Variants in APC observed in about 807,000 individuals in gnomAD.
The protein encoded by APC is APC regulator of Wnt signaling pathway, also known as adenomatous polyposis coli protein.
A neutral mutation model predicts 247.0 loss-of-function variants in APC; 72 were observed. That is an observed-to-expected ratio of 0.29 (90% CI 0.24 to 0.35). The LOEUF (loss-of-function observed/expected upper bound fraction) is 0.35, where lower values mean the gene tolerates loss of function less well. APC is among the 10% of genes least tolerant of loss of function. The pLI, the probability that APC is intolerant of heterozygous loss-of-function variation, is 1.00. For missense variants in APC, 3,400 were observed against 3,360.7 expected (o/e 1.01, Z -0.29); for synonymous variants, 1,254 against 1,162.5 (o/e 1.08, Z -1.60).
chr5:112,770,753 C>T (rs1014470381), intron 4 of APC, among the ~76,000 whole-genome samples: 2 of 152,092 alleles, frequency 1.3e-5, no homozygotes, highest in Non-Finnish European at 2.9e-5. Context: ...GACTTACTGA[C>T]TCACCACTCT....
chr5:112,815,426 C>A, intron 8 of APC, 69 bp from the exon 9 acceptor site: 2 of 1,130,512 alleles, frequency 1.8e-6, no homozygotes, highest in Non-Finnish European at 2.7e-6. Flanking sequence ...TTTGGAGTAC[C>A]TTAACATGAT....
chr5:112,764,863 G>A (rs1387760567), intron 2 of APC, among the ~76,000 whole-genome samples: 1 of 152,206 alleles, frequency 6.6e-6, no homozygotes, highest in East Asian at 1.9e-4. Flanking sequence ...ATGGTGCCCT[G>A]AAGTTTATAG....
intron 4 of APC, 65 bp from the exon 5 acceptor site, chr5:112,775,564 A>G: frequency 3.2e-6 from 3 of 946,244 alleles, no homozygotes; most frequent in South Asian, 1.4e-5. Context: ...TGATGTAAGT[A>G]TTGCTCTTCT....
rs150209825 is a variant in APC, at chr5:112,837,816, A to G, written c.2222A>G (p.Asn741Ser). 2.6e-5 allele frequency: 42 copies of G among 1,613,932 alleles called. No homozygotes were observed. The highest frequency in any genetic ancestry group is 1.6e-4 in the Middle Eastern group (1 of 6,084). Residue 741 changes from asparagine to serine, a missense_variant, in exon 16 of 16, where the codon AAT becomes AGT. By Grantham distance (46) the Asn-to-Ser change is conservative. Around this residue, in one of 9 missense-constraint regions of APC, gnomAD observed 91 missense variants for 103.3 expected, o/e 0.88. Coordinates refer to ENST00000257430, the MANE Select transcript of APC (RefSeq NM_000038.6). Reference sequence around the variant, plus strand: ...AGGCCTGCGAAGTACAAGGATGCCAATATTATGTCTCCTGGCTCAAGCTTG... The same window carrying G: ...AGGCCTGCGAAGTACAAGGATGCCAGTATTATGTCTCCTGGCTCAAGCTTG... ...ANRPAKYKDANIMSPGSSLPS... is the reference protein window; with the variant it reads ...ANRPAKYKDASIMSPGSSLPS...
intron 1 of APC, among the ~76,000 whole-genome samples, chr5:112,712,883 A>G (rs1428712573): frequency 6.6e-6 from 1 of 152,198 alleles, no homozygotes; most frequent in Non-Finnish European, 1.5e-5. Flanking sequence ...TTTAAACAGT[A>G]TCTCGGGCTA....
At chr5:112,759,837 A>T (rs970392992) in intron 2 of APC, among the ~76,000 whole-genome samples, 2 of 151,236 alleles carry the variant, frequency 1.3e-5, no homozygotes, top group Non-Finnish European at 3.0e-5. Context: ...TTTTTGAAAC[A>T]TTTTTTTTTG....
intron 5 of APC, among the ~76,000 whole-genome samples, chr5:112,776,179 G>A (rs753592441): frequency 1.3e-5 from 2 of 152,092 alleles, no homozygotes; most frequent in African/African-American, 2.4e-5. Context: ...GCTATAGCAC[G>A]GATATTAGCA....
Position 112,838,812 on chromosome 5 carries a change from C to A in APC, c.3218C>A (p.Thr1073Lys), listed in dbSNP as rs773354366. Residue 1073 changes from threonine (T) to lysine (K), a missense_variant, in exon 16 of 16, where the codon ACA becomes AAA. Around this residue, in one of 9 missense-constraint regions of APC, gnomAD observed 715 missense variants for 656.6 expected, o/e 1.09. Transcript: ENST00000257430. Reference sequence around the variant, plus strand: ...CAAAGACAATCAAGGAATCAAAGTACAACTTATCCTGTTTATACTGAGAGC... The same window carrying A: ...CAAAGACAATCAAGGAATCAAAGTAAAACTTATCCTGTTTATACTGAGAGC... Reference protein sequence around the residue: ...SEQRQSRNQSTTYPVYTESTD... With the variant: ...SEQRQSRNQSKTYPVYTESTD... 2 of 1,614,142 alleles carry A rather than the reference C, an allele frequency of 1.2e-6. No homozygotes were observed. The highest frequency in any genetic ancestry group is 1.1e-5 in the South Asian group (1 of 91,072).
chr5:112,840,430 G>C lies in APC; in HGVS notation c.4836G>C (p.Leu1612=), dbSNP rs1765779549. 6.2e-7 allele frequency: 1 copy of C among 1,614,084 alleles called. No individual in the cohort carries two copies. Residue 1612 remains leucine (L), a synonymous_variant, in exon 16 of 16, where the codon CTG becomes CTC. Transcript: ENST00000257430. This position sits in a 1 kb window ranked among gnomAD's most constrained non-coding sequence, Gnocchi z 4.1. ...CTGTGGCAAGGAAACCAAGTCAGCT[G>C]CCTGTGTACAAACTTCTACCATCAC... ...PPPVARKPSQ[L]PVYKLLPSQN... is the part of the protein sequence containing the mutation.
chr5:112,739,541 A>G (rs1752741353), intron 1 of APC, among the ~76,000 whole-genome samples: 1 of 152,236 alleles, frequency 6.6e-6, no homozygotes, highest in African/African-American at 2.4e-5. Context: ...TTTAAGAATT[A>G]CTTGATCATG....
chr5:112,819,800 C>A (rs2149785941), intron 10 of APC, among the ~76,000 whole-genome samples: 1 of 152,266 alleles, frequency 6.6e-6, no homozygotes, highest in South Asian at 2.1e-4. Flanking sequence ...CTCCTCACAT[C>A]AACCTACTGA....
At chr5:112,759,888 C>G (rs182966873) in intron 2 of APC, among the ~76,000 whole-genome samples, 2 of 151,946 alleles carry the variant, frequency 1.3e-5, no homozygotes, top group Non-Finnish European at 2.9e-5. Context: ...TTTAAAAACT[C>G]TTCAAAATCA....
chr5:112,838,906 A>T lies in APC; in HGVS notation c.3312A>T (p.Ser1104=), dbSNP rs749189074. ...GQQECVSPYR[S]RGANGSETNR... is the part of the protein sequence containing the mutation. ...AGGAATGTGTTTCTCCATACAGGTC[A>T]CGGGGAGCCAATGGTTCAGAAACAA... is the stretch of plus-strand genomic sequence containing the variant. Residue 1104 remains serine, a synonymous_variant, in exon 16 of 16, where the codon TCA becomes TCT. Coordinates refer to ENST00000257430, the MANE Select transcript of APC (RefSeq NM_000038.6). 6.2e-7 allele frequency: 1 copy of T among 1,614,168 alleles called. No individual in the cohort carries two copies. Among genetic ancestry groups the T allele is most frequent in the African/African-American group, 1.3e-5 (1 of 75,072 alleles).
intron 1 of APC, among the ~76,000 whole-genome samples, chr5:112,711,585 T>G (rs368907249): frequency 6.6e-6 from 1 of 152,216 alleles, no homozygotes; most frequent in Non-Finnish European, 1.5e-5. Flanking sequence ...TGGGCCATGG[T>G]GTCTCACACC....
chr5:112,834,968 C>T lies in APC; in HGVS notation c.1761C>T (p.Ser587=), dbSNP rs370783137. The part of the protein sequence containing the change: ...LEVKKESTLK[S]VLSALWNLSA... ...CTTACTAGGAATCAACCCTCAAAAG[C>T]GTATTGAGTGCCTTATGGAATTTGT... The change falls in exon 15 of 16, where the codon AGC becomes AGT. Residue 587 remains serine, a synonymous_variant. Coordinates refer to ENST00000257430, the MANE Select transcript of APC (RefSeq NM_000038.6). The T allele has an allele frequency of 9.3e-6, 15 of 1,613,744 alleles. No homozygotes were observed. The highest frequency in any genetic ancestry group is 4.0e-5 in the African/African-American group (3 of 74,890).
chr5:112,745,569 A>T (rs986954846), intron 1 of APC, among the ~76,000 whole-genome samples: 20 of 150,034 alleles, frequency 1.3e-4, no homozygotes, highest in African/African-American at 2.4e-4. Context: ...TATTATTATT[A>T]TTATTATTTT....
intron 8 of APC, among the ~76,000 whole-genome samples, chr5:112,814,404 T>C (rs553036846): frequency 6.6e-6 from 1 of 152,282 alleles, no homozygotes; most frequent in South Asian, 2.1e-4. Flanking sequence ...GGGTTTCCGA[T>C]ATCCATTACG....
chr5:112,734,708 G>A (rs1752278134), upstream of APC, among the ~76,000 whole-genome samples: 1 of 151,274 alleles, frequency 6.6e-6, no homozygotes. Flanking sequence ...CTTCTTGTCA[G>A]TTTTTTAAAC....
chr5:112,718,477 A>C (rs899709107), intron 1 of APC, among the ~76,000 whole-genome samples: 2 of 152,196 alleles, frequency 1.3e-5, no homozygotes, highest in African/African-American at 2.4e-5. Flanking sequence ...CTCAGCCGGA[A>C]GCCAATGCTG....
Sources: allele counts gnomAD v4.1 joint callset (sites outside exome capture counted in the v4.1 genomes callset), GRCh38; gene constraint gnomAD v4.1.1; regional missense constraint gnomAD v4.1.1; non-coding constraint Gnocchi (gnomAD v3.1); transcripts MANE v1.5; gene names NCBI Gene and HGNC (gene_info 2026-07-23, HGNC 2026-07-21).